The following C3orf20 variants were observed in gnomAD, a reference collection of about 807,000 sequenced individuals.
C3orf20 encodes the protein family with sequence similarity 149 member C, also known as uncharacterized protein C3orf20.
C3orf20 carries 76 observed loss-of-function variants against 88.3 expected under a neutral mutation model. That is an observed-to-expected ratio of 0.86 (90% confidence interval 0.72 to 1.04). The LOEUF is 1.04. C3orf20 is among the 50% of genes least tolerant of loss of function. C3orf20 has a pLI of 0.00. For missense variants in C3orf20, 1,056 were observed against 1,123.3 expected (o/e 0.94, Z 0.86); for synonymous variants, 436 against 437.4 (o/e 1.00, Z 0.04).
Position 14,738,354 on chromosome 3 carries a change from A to G in C3orf20, c.1940+9666A>G, listed in dbSNP as rs547715239. ...AACTAATTTTTTTTTTTTTAGATGG[A>G]GTCTTGCTCTGTTGCCCAGGCTGGA... is the stretch of plus-strand genomic sequence containing the variant. On this transcript the variant is annotated intron_variant, in intron 12 of 16. Transcript: ENST00000253697. Among the ~76,000 whole-genome samples, 21 of 146,266 alleles carry G rather than the reference A, an allele frequency of 1.4e-4. No homozygotes were observed. The South Asian group carries it at 4.6e-3, about 32-fold the overall frequency.
intron 5 of C3orf20, among the ~76,000 whole-genome samples, chr3:14,700,780 T>G (rs934460208): frequency 3.9e-5 from 6 of 152,246 alleles, no homozygotes; most frequent in African/African-American, 1.4e-4. Flanking sequence ...TGTTGTCCTA[T>G]GACATATGTA....
chr3:14,740,599 A>G (rs545830852), intron 12 of C3orf20, among the ~76,000 whole-genome samples: 45 of 152,300 alleles, frequency 3.0e-4, no homozygotes, highest in African/African-American at 1.0e-3. Flanking sequence ...TTCAATTTCT[A>G]AAAAAACACA....
chr3:14,682,059 A>G (rs2032120896), intron 1 of C3orf20, 111 bp from the exon 2 acceptor site: 1 of 152,192 alleles, frequency 6.6e-6, no homozygotes, highest in East Asian at 1.9e-4. Context: ...TTCTTATAAG[A>G]TGGTGCATCT....
At chr3:14,770,112 C>A (rs540497385) in intron 15 of C3orf20, among the ~76,000 whole-genome samples, 1 of 152,238 alleles carries the variant, frequency 6.6e-6, no homozygotes, top group South Asian at 2.1e-4. Flanking sequence ...CGTCTCCTGC[C>A]CTCCACCCTG....
intron 9 of C3orf20, among the ~76,000 whole-genome samples, chr3:14,715,808 T>C (rs2033918944): frequency 6.6e-6 from 1 of 152,222 alleles, no homozygotes; most frequent in South Asian, 2.1e-4. Flanking sequence ...GTCTCCTCCG[T>C]TTTTGTTTTT....
At chr3:14,698,534 C>T (rs549789115) in intron 5 of C3orf20, among the ~76,000 whole-genome samples, 24 of 152,372 alleles carry the variant, frequency 1.6e-4, no homozygotes, top group Admixed American at 3.9e-4. Flanking sequence ...CAGAGAGGTA[C>T]TGCCTTGGTG....
chr3:14,743,330 C>T (rs538827739), intron 12 of C3orf20, among the ~76,000 whole-genome samples: 2 of 152,094 alleles, frequency 1.3e-5, no homozygotes, highest in Non-Finnish European at 2.9e-5. Flanking sequence ...GAAATGACCT[C>T]CTTTGACTCC....
chr3:14,767,289 C>T (rs1322125257), intron 15 of C3orf20: 1 of 152,284 alleles, frequency 6.6e-6, no homozygotes, highest in East Asian at 1.9e-4. Flanking sequence ...TGGGCTCCAA[C>T]CCCAGCTGCT....
chr3:14,747,328 G>A (rs1325551205), intron 12 of C3orf20, among the ~76,000 whole-genome samples: 7 of 152,180 alleles, frequency 4.6e-5, no homozygotes, highest in Non-Finnish European at 1.0e-4. Context: ...ATTGCAGCTT[G>A]AATATCTCTG....
chr3:14,690,071 C>G lies in C3orf20; in HGVS notation c.700C>G (p.Leu234Val), dbSNP rs1469900033. The part of the protein sequence containing the change: ...QLIYHSSTAC[L>V]SFSLSAGKEA... Reference sequence around the variant, plus strand: ...GATCTACCACTCTTCCACAGCCTGTCTGAGCTTTTCTCTCTCTGCTGGAAA... The same window carrying G: ...GATCTACCACTCTTCCACAGCCTGTGTGAGCTTTTCTCTCTCTGCTGGAAA... Residue 234 changes from leucine to valine, a missense_variant, in exon 5 of 17, where the codon CTG (leucine) becomes GTG (valine). Leu to Val is a conservative substitution (Grantham distance 32). Coordinates refer to ENST00000253697, the MANE Select transcript of C3orf20 (RefSeq NM_032137.5). The G allele has an allele frequency of 1.2e-6, 2 of 1,614,214 alleles. No homozygotes were observed. Among genetic ancestry groups the G allele is most frequent in the Non-Finnish European group, 1.7e-6 (2 of 1,180,036 alleles).
At chr3:14,724,939 G>C (rs546151372) in intron 10 of C3orf20, among the ~76,000 whole-genome samples, 1 of 152,258 alleles carries the variant, frequency 6.6e-6, no homozygotes, top group Admixed American at 6.5e-5. Context: ...ACTGTCTTAA[G>C]GAAATGTAAC....
chr3:14,677,974 C>CTTCAGTAGTTTCCCAAT (rs1186040114), intron 1 of C3orf20, among the ~76,000 whole-genome samples: 1 of 151,922 alleles, frequency 6.6e-6, no homozygotes, highest in African/African-American at 2.4e-5. Flanking sequence ...TGTTTGCCAA[C>CTTCAGTAGTTTCCCAAT]TTCAGTAGTT....
At chr3:14,677,561 C>T (rs1046238390) in intron 1 of C3orf20, among the ~76,000 whole-genome samples, 4 of 152,006 alleles carry the variant, frequency 2.6e-5, no homozygotes, top group African/African-American at 4.8e-5. Flanking sequence ...AGTGCAATAG[C>T]GCGATCTCAA....
intron 14 of C3orf20, 151 bp from the exon 15 acceptor site, chr3:14,761,322 C>T: frequency 1.1e-6 from 1 of 886,690 alleles, no homozygotes; most frequent in East Asian, 2.6e-5. Flanking sequence ...GGCAGCACTC[C>T]TTCCCCAGCC....
intron 5 of C3orf20, among the ~76,000 whole-genome samples, chr3:14,695,753 T>A (rs1368189420): frequency 4.6e-5 from 7 of 152,236 alleles, no homozygotes; most frequent in Non-Finnish European, 1.0e-4. Context: ...ACCTTCCTTG[T>A]CTCTTTCTAT....
chr3:14,725,714 C>T (rs1006176183), intron 10 of C3orf20, among the ~76,000 whole-genome samples: 5 of 152,102 alleles, frequency 3.3e-5, no homozygotes, highest in Admixed American at 3.3e-4. Context: ...TGTTGTTCAT[C>T]AGGAAATCTG....
chr3:14,719,189 G>A (rs956275632), intron 9 of C3orf20, among the ~76,000 whole-genome samples: 10 of 151,106 alleles, frequency 6.6e-5, no homozygotes. Context: ...AGCCTGTCAG[G>A]CACTGACTCA....
At chr3:14,748,501 G>A (rs569596361) in intron 12 of C3orf20, among the ~76,000 whole-genome samples, 1 of 152,032 alleles carries the variant, frequency 6.6e-6, no homozygotes, top group African/African-American at 2.4e-5. Flanking sequence ...TGCCAGCTTT[G>A]GGTTTAGTTT....
chr3:14,718,161 A>T (rs569223078), intron 9 of C3orf20, among the ~76,000 whole-genome samples: 1 of 152,154 alleles, frequency 6.6e-6, no homozygotes, highest in African/African-American at 2.4e-5. Flanking sequence ...TGAGACTCCA[A>T]TTATGTCTAT....
Sources: allele counts gnomAD v4.1 joint callset (sites outside exome capture counted in the v4.1 genomes callset), GRCh38; gene constraint gnomAD v4.1.1; transcripts MANE v1.5; gene names NCBI Gene and HGNC (gene_info 2026-07-23, HGNC 2026-07-21).